BIN1: variants seen among roughly 807,000 people sequenced by gnomAD.
BIN1 encodes bridging integrator 1.
In BIN1, 53 loss-of-function variants were observed where a neutral mutation model predicts 82.0. That is an observed-to-expected ratio of 0.65 (90% confidence interval 0.52 to 0.81). BIN1 has a LOEUF of 0.81. Ranked by LOEUF, BIN1 falls within the 40% of genes least tolerant of loss-of-function variation. The probability of loss-of-function intolerance (pLI) is 0.00; values close to 1 mark genes in which losing one functional copy is unlikely to be tolerated. For missense variants in BIN1, 642 were observed against 784.4 expected, an observed-to-expected ratio of 0.82 and a Z score of 2.17; for synonymous variants, 302 against 328.0, an observed-to-expected ratio of 0.92 and a Z score of 0.86.
At chr2:127,088,173 C>T (rs1245177612) in intron 1 of BIN1, among the ~76,000 whole-genome samples, 1 of 152,198 alleles carries the variant, frequency 6.6e-6, no homozygotes, top group Admixed American at 6.5e-5. Context: ...CAGGAGGGAT[C>T]TTCTCATAAC....
chr2:127,104,885 G>A (rs1558895650), intron 1 of BIN1, among the ~76,000 whole-genome samples: 1 of 152,224 alleles, frequency 6.6e-6, no homozygotes, highest in Non-Finnish European at 1.5e-5. Flanking sequence ...TGCTGCCTTG[G>A]TTTCTGATGG....
At chr2:127,095,776 C>G (rs1331279885) in intron 1 of BIN1, among the ~76,000 whole-genome samples, 1 of 152,198 alleles carries the variant, frequency 6.6e-6, no homozygotes, top group African/African-American at 2.4e-5. Context: ...ACCTACCTCA[C>G]AGGGCACAGA....
intron 1 of BIN1, among the ~76,000 whole-genome samples, chr2:127,085,997 T>C (rs1678106916): frequency 6.6e-6 from 1 of 151,910 alleles, no homozygotes; most frequent in Non-Finnish European, 1.5e-5. Context: ...CATGTGCCCC[T>C]CTAGGTAAGC....
intron 2 of BIN1, among the ~76,000 whole-genome samples, chr2:127,075,531 A>G (rs986068620): frequency 6.6e-6 from 1 of 152,158 alleles, no homozygotes; most frequent in Non-Finnish European, 1.5e-5. Context: ...AACTCCTCCC[A>G]TAACTGGCCT....
chr2:127,098,362 C>A (rs1573802913), intron 1 of BIN1, among the ~76,000 whole-genome samples: 1 of 152,262 alleles, frequency 6.6e-6, no homozygotes, highest in African/African-American at 2.4e-5. Context: ...ACTCACTCCC[C>A]GTAACAATCC....
At chr2:127,083,934 C>T (rs1395692105) in intron 1 of BIN1, among the ~76,000 whole-genome samples, 1 of 152,204 alleles carries the variant, frequency 6.6e-6, no homozygotes, top group Non-Finnish European at 1.5e-5. Context: ...CTGTGTTAGG[C>T]TTGACCGCCG....
intron 1 of BIN1, among the ~76,000 whole-genome samples, chr2:127,080,784 T>A (rs578081552): frequency 6.6e-6 from 1 of 152,240 alleles, no homozygotes; most frequent in South Asian, 2.1e-4. Flanking sequence ...GGGGGGCAGG[T>A]GGCAGGAATG....
chr2:127,099,420 T>C (rs1350721079), intron 1 of BIN1, among the ~76,000 whole-genome samples: 1 of 152,054 alleles, frequency 6.6e-6, no homozygotes, highest in African/African-American at 2.4e-5. Context: ...CCCAGGAACA[T>C]TAAAAAACAA....
chr2:127,087,560 T>A (rs994353163), intron 1 of BIN1, among the ~76,000 whole-genome samples: 1 of 151,706 alleles, frequency 6.6e-6, no homozygotes, highest in African/African-American at 2.4e-5. Context: ...GGGGCCAGAG[T>A]CAGGCTGGGA....
Position 127,059,268 on chromosome 2 carries a change from A to C in BIN1, c.858-113T>G. 2 of 1,078,622 alleles carry C rather than the reference A, an allele frequency of 1.9e-6. No individual in the cohort carries two copies. Among genetic ancestry groups the C allele is most frequent in the Non-Finnish European group, 2.5e-6 (2 of 789,594 alleles). The allele number at this position is 1,078,622 out of a possible 1,614,324, so 66.8% of individuals were successfully genotyped here. A position where few individuals can be genotyped will look rare whatever the true frequency, so the allele number is the denominator to read the frequency against. Reference sequence around the variant, plus strand: ...GAGGTGTGTGCATATGGAGGTGTGAAACTGTGTGTGTGTGTGTGTGTGTGT... The same window carrying C: ...GAGGTGTGTGCATATGGAGGTGTGACACTGTGTGTGTGTGTGTGTGTGTGT... On this transcript the variant is annotated intron_variant, in intron 10 of 18. Transcript: ENST00000316724. This position sits in a 1 kb window ranked among gnomAD's most constrained non-coding sequence, Gnocchi z 6.7.
intron 1 of BIN1, among the ~76,000 whole-genome samples, chr2:127,078,598 C>G (rs938380176): frequency 3.9e-5 from 6 of 152,106 alleles, no homozygotes; most frequent in Non-Finnish European, 7.4e-5. Context: ...CTACAGCGGT[C>G]GGGACACAGC....
chr2:127,073,546 C>T (rs1408512282), intron 2 of BIN1, among the ~76,000 whole-genome samples: 1 of 152,180 alleles, frequency 6.6e-6, no homozygotes, highest in East Asian at 1.9e-4. Context: ...GACATCAGTC[C>T]CCACAGGTGG....
chr2:127,059,034 T>C lies in BIN1; in HGVS notation c.979A>G (p.Thr327Ala), dbSNP rs1475650252. The change falls in exon 11 of 19, where the codon ACC (threonine) becomes GCC (alanine). Residue 327 changes from threonine to alanine, a missense_variant. By Grantham distance (58) the Thr-to-Ala change is moderately conservative (BLOSUM62 0). Coordinates refer to ENST00000316724, the MANE Select transcript of BIN1 (RefSeq NM_139343.3). The surrounding 1 kb of genome is among the most constrained non-coding windows in gnomAD (Gnocchi z 6.7). ...EPAGGATPGATLPKSPSQLRK... is the reference protein window; with the variant it reads ...EPAGGATPGAALPKSPSQLRK... Reference sequence around the variant, plus strand: ...ACCTGAGATGGGGACTTGGGGAGGGTGGCCCCGGGCGTGGCCCCGCCGGCC... The same window carrying C: ...ACCTGAGATGGGGACTTGGGGAGGGCGGCCCCGGGCGTGGCCCCGCCGGCC... The C allele has an allele frequency of 6.4e-7, 1 of 1,559,098 alleles. No homozygotes were observed. Among genetic ancestry groups the C allele is most frequent in the Non-Finnish European group, 8.7e-7 (1 of 1,152,318 alleles).
At chr2:127,051,078 G>A (rs2104865836) in intron 16 of BIN1, 76 bp downstream of exon 16, 1 of 1,582,550 alleles carries the variant, frequency 6.3e-7, no homozygotes, top group Middle Eastern at 2.0e-4. Context: ...AGCACCAGCA[G>A]GGGCCACAGG....
Position 127,082,854 on chromosome 2 carries a change from G to A in BIN1, c.85-6148C>T, listed in dbSNP as rs1481633773. Reference sequence around the variant, plus strand: ...GTCTCGGTGGCCTCCAACAATCTAGGTGCCATGCAGGAGGCCACAGCAGCC... The same window carrying A: ...GTCTCGGTGGCCTCCAACAATCTAGATGCCATGCAGGAGGCCACAGCAGCC... On this transcript the variant is annotated intron_variant, in intron 1 of 18. Transcript: ENST00000316724. This position sits in a 1 kb window ranked among gnomAD's most constrained non-coding sequence, Gnocchi z 6.1. 8.1e-6 allele frequency among the ~76,000 whole-genome samples: 1 copy of A among 123,134 alleles called. No homozygotes were observed. The highest frequency in any genetic ancestry group is 3.1e-5 in the African/African-American group (1 of 32,358). The allele number at this position is 123,134 out of a possible 152,430, so 80.8% of individuals were successfully genotyped here.
intron 1 of BIN1, chr2:127,081,930 G>C: frequency 8.0e-7 from 1 of 1,256,786 alleles, no homozygotes; most frequent in Non-Finnish European, 1.0e-6. Context: ...TGCGGTCGGG[G>C]GCCACGGAGG....
At chr2:127,083,658 G>C (rs533755809) in intron 1 of BIN1, among the ~76,000 whole-genome samples, 115 of 152,264 alleles carry the variant, frequency 7.6e-4, no homozygotes, top group African/African-American at 2.7e-3. Context: ...CTGGGTCTAG[G>C]ATCCAACTGT....
chr2:127,073,301 AGT>A (rs748644417), intron 2 of BIN1, among the ~76,000 whole-genome samples: 7 of 151,728 alleles, frequency 4.6e-5, no homozygotes, highest in Non-Finnish European at 7.3e-5. Flanking sequence ...AGTACAGAGC[AGT>A]GTGTGTTTGC....
At chr2:127,085,981 C>T (rs1162064055) in intron 1 of BIN1, among the ~76,000 whole-genome samples, 1 of 152,200 alleles carries the variant, frequency 6.6e-6, no homozygotes, top group East Asian at 1.9e-4. Context: ...CCAGTTGAGG[C>T]CCCCACATGT....
Sources: gnomAD v4.1 joint callset for allele counts (sites outside exome capture counted in the v4.1 genomes callset) on GRCh38, gnomAD v4.1.1 for gene constraint, Gnocchi (gnomAD v3.1) non-coding constraint, MANE v1.5 for transcripts, NCBI Gene and HGNC (gene_info 2026-07-23, HGNC 2026-07-21) for gene names.